PROX1: variants seen among roughly 807,000 people sequenced by gnomAD.
The protein encoded by PROX1 is prospero homeobox 1, also known as prospero homeobox protein 1.
In PROX1, 7 loss-of-function variants were observed where a neutral mutation model predicts 58.8. The observed-to-expected ratio is 0.12, with a 90% CI of 0.07 to 0.22. The LOEUF (loss-of-function observed/expected upper bound fraction) is 0.22. PROX1 is among the 10% of genes least tolerant of loss of function. The pLI is 1.00. For missense variants in PROX1, 675 were observed against 927.8 expected (o/e 0.73, Z 3.54); for synonymous variants, 350 against 358.3 (o/e 0.98, Z 0.26).
chr1:213,997,245 G>A lies in PROX1; in HGVS notation c.710G>A (p.Arg237Gln). Residue 237 changes from arginine (R) to glutamine (Q), a missense_variant, in exon 2 of 5, where the codon CGA (arginine) becomes CAA (glutamine). Physicochemically the swap from Arg to Gln is conservative, Grantham distance 43. Around this residue, in one of 8 missense-constraint regions of PROX1, gnomAD observed 403 missense variants for 477.4 expected, o/e 0.84. Transcript: ENST00000366958. The surrounding 1 kb of genome is among the most constrained non-coding windows in gnomAD (Gnocchi z 7.1). ...ARKEQKREER[R>Q]QLKQQLEDMQ... Reference sequence around the variant, plus strand: ...AAAGAACAGAAGCGAGAGGAGCGCCGACAGCTGAAACAGCAGCTGGAGGAC... The same window carrying A: ...AAAGAACAGAAGCGAGAGGAGCGCCAACAGCTGAAACAGCAGCTGGAGGAC... 1 of 1,612,892 alleles carries A rather than the reference G, an allele frequency of 6.2e-7. No individual in the cohort carries two copies. Among genetic ancestry groups the A allele is most frequent in the Non-Finnish European group, 8.5e-7 (1 of 1,179,498 alleles).
chr1:214,006,981 A>ACCAC (rs533313601), intron 3 of PROX1, among the ~76,000 whole-genome samples: 125 of 152,312 alleles, frequency 8.2e-4, no homozygotes, highest in African/African-American at 2.7e-3. Flanking sequence ...AGGGTGGGAA[A>ACCAC]CAGCAGCCAT....
At chr1:214,017,139 C>A (rs1455003836) in intron 4 of PROX1, among the ~76,000 whole-genome samples, 2 of 151,620 alleles carry the variant, frequency 1.3e-5, no homozygotes, top group African/African-American at 2.4e-5. Context: ...TGTCTTGGCA[C>A]ATATCAAAGT....
Position 214,040,719 on chromosome 1 carries a change from AGT to A in PROX1, c.*4886_*4887del, listed in dbSNP as rs942872206. 1.1e-4 allele frequency: 16 copies of A among 152,288 alleles called. No homozygotes were observed. The highest frequency in any genetic ancestry group is 3.6e-4 in the African/African-American group (15 of 41,582). 9.4% of individuals were successfully genotyped at this position (152,288 alleles called of 1,614,324 possible). A position where few individuals can be genotyped will look rare whatever the true frequency, so the allele number is the denominator to read the frequency against. ...AATAAAGACCCTTTGATTTGAATAT[AGT>A]ACAATAACTGAACTGATAAAGTCAA... On this transcript the variant is annotated 3_prime_UTR_variant, in exon 5 of 5. Coordinates refer to ENST00000366958, the MANE Select transcript of PROX1 (RefSeq NM_001270616.2).
chr1:214,011,817 A>G, intron 4 of PROX1, 102 bp downstream of exon 4: 2 of 977,646 alleles, frequency 2.0e-6, no homozygotes, highest in Non-Finnish European at 2.9e-6. Context: ...TTGGTTTCGC[A>G]TACAAGCATC....
chr1:214,009,247 G>T (rs1663824009), intron 3 of PROX1, among the ~76,000 whole-genome samples: 1 of 152,140 alleles, frequency 6.6e-6, no homozygotes, highest in Admixed American at 6.5e-5. Context: ...GATGTCCCGT[G>T]GGAAGCATTA....
At chr1:213,992,714 T>C (rs1315861437) in intron 1 of PROX1, among the ~76,000 whole-genome samples, 2 of 152,270 alleles carry the variant, frequency 1.3e-5, no homozygotes, top group Middle Eastern at 3.4e-3. Flanking sequence ...CCCTGCCTCA[T>C]AAAAGATTTG....
At chr1:214,028,486 T>C (rs1664534501) in intron 4 of PROX1, among the ~76,000 whole-genome samples, 1 of 152,164 alleles carries the variant, frequency 6.6e-6, no homozygotes, top group Non-Finnish European at 1.5e-5. Flanking sequence ...AAAGCAACTT[T>C]TCTCAACCGG....
chr1:214,001,296 A>G (rs1268198971), intron 2 of PROX1, among the ~76,000 whole-genome samples: 1 of 152,210 alleles, frequency 6.6e-6, no homozygotes, highest in Non-Finnish European at 1.5e-5. Flanking sequence ...ATTTCAGTGC[A>G]CCTGCTCCAA....
chr1:214,023,253 C>G (rs1045023556), intron 4 of PROX1, among the ~76,000 whole-genome samples: 1 of 152,162 alleles, frequency 6.6e-6, no homozygotes, highest in African/African-American at 2.4e-5. Flanking sequence ...CCATGCAGGC[C>G]TCAACACAGA....
rs1389758029 is a variant in PROX1 at position 214,037,640 on chromosome 1, G to T, written c.*1806G>T. On this transcript the variant is annotated 3_prime_UTR_variant, in exon 5 of 5. Coordinates refer to ENST00000366958, the MANE Select transcript of PROX1 (RefSeq NM_001270616.2). ...CTAACAGGGCCTCGCAGTGTAGACA[G>T]AGGGTGCAGCCACACGGGCGGGGGC... 1 of 151,910 alleles carries T rather than the reference G, an allele frequency of 6.6e-6. No homozygotes were observed. The highest frequency in any genetic ancestry group is 1.5e-5 in the Non-Finnish European group (1 of 67,968). The allele number at this position is 151,910 out of a possible 1,614,324, so 9.4% of individuals were successfully genotyped here.
chr1:214,034,847 T>C (rs1558190083), intron 4 of PROX1, among the ~76,000 whole-genome samples: 1 of 152,158 alleles, frequency 6.6e-6, no homozygotes, highest in African/African-American at 2.4e-5. Context: ...ACTGGGATAA[T>C]AACACCCCTT....
chr1:214,029,663 C>T (rs893607434), intron 4 of PROX1: 9 of 152,224 alleles, frequency 5.9e-5, no homozygotes, highest in Non-Finnish European at 1.0e-4. Context: ...ATGAATTCCA[C>T]GGTGTGAAAA....
chr1:214,009,086 C>T (rs916665190), intron 3 of PROX1, among the ~76,000 whole-genome samples: 9 of 152,270 alleles, frequency 5.9e-5, no homozygotes, highest in Non-Finnish European at 8.8e-5. Flanking sequence ...CTTTTCAAGC[C>T]GGCAGTGTTA....
At chr1:214,008,922 G>A (rs1663813381) in intron 3 of PROX1, among the ~76,000 whole-genome samples, 1 of 152,180 alleles carries the variant, frequency 6.6e-6, no homozygotes, top group Admixed American at 6.5e-5. Flanking sequence ...AAGGACAAGT[G>A]GACAAATGTG....
rs1330278565 is a variant in PROX1 at position 214,040,567 on chromosome 1, AG to A, written c.*4735del. On this transcript the variant is annotated 3_prime_UTR_variant, in exon 5 of 5. Coordinates refer to ENST00000366958, the MANE Select transcript of PROX1 (RefSeq NM_001270616.2). Reference sequence around the variant, plus strand: ...TCTCAGCGCTACCTAGAAGAATCAAAGGTCATGGCTTCCCTCAATATTGTCC... The same window carrying A: ...TCTCAGCGCTACCTAGAAGAATCAAAGTCATGGCTTCCCTCAATATTGTCC... 1 of 152,212 alleles carries A rather than the reference AG, an allele frequency of 6.6e-6. No homozygotes were observed. The highest frequency in any genetic ancestry group is 2.4e-5 in the African/African-American group (1 of 41,472). 9.4% of individuals were successfully genotyped at this position (152,212 alleles called of 1,614,324 possible).
chr1:214,019,788 T>C (rs1664219389), intron 4 of PROX1, among the ~76,000 whole-genome samples: 1 of 152,206 alleles, frequency 6.6e-6, no homozygotes, highest in Non-Finnish European at 1.5e-5. Context: ...CCGCAAATGC[T>C]TCATTAGCCC....
chr1:214,028,651 T>C (rs1048982411), intron 4 of PROX1, among the ~76,000 whole-genome samples: 1 of 152,196 alleles, frequency 6.6e-6, no homozygotes, highest in South Asian at 2.1e-4. Flanking sequence ...ATTTGGATGA[T>C]ATTTTATGCT....
intron 2 of PROX1, 112 bp from the exon 3 acceptor site, chr1:214,005,053 T>C: frequency 1.3e-6 from 1 of 772,956 alleles, no homozygotes; most frequent in Non-Finnish European, 2.2e-6. Flanking sequence ...CTTCCAGCAC[T>C]CCCACCGCAG....
chr1:214,035,903 T>A lies in PROX1; in HGVS notation c.*69T>A. The A allele has an allele frequency of 7.2e-7, 1 of 1,395,064 alleles. No homozygotes were observed. The highest frequency in any genetic ancestry group is 9.7e-7 in the Non-Finnish European group (1 of 1,031,170). 86.4% of individuals were successfully genotyped at this position (1,395,064 alleles called of 1,614,324 possible). Reference sequence around the variant, plus strand: ...CCTTTGGATGTCCAAGTTATATGTGTCTAGATTTTGATTTCATATATATGT... The same window carrying A: ...CCTTTGGATGTCCAAGTTATATGTGACTAGATTTTGATTTCATATATATGT... On this transcript the variant is annotated 3_prime_UTR_variant, in exon 5 of 5. Coordinates refer to ENST00000366958, the MANE Select transcript of PROX1 (RefSeq NM_001270616.2).
Sources: allele counts gnomAD v4.1 joint callset (sites outside exome capture counted in the v4.1 genomes callset), GRCh38; gene constraint gnomAD v4.1.1; regional missense constraint gnomAD v4.1.1; non-coding constraint Gnocchi (gnomAD v3.1); transcripts MANE v1.5; gene names NCBI Gene and HGNC (gene_info 2026-07-23, HGNC 2026-07-21).